The following DOCK9 variants were observed in gnomAD, a reference collection of about 807,000 sequenced individuals.
The protein encoded by DOCK9 is dedicator of cytokinesis protein 9.
Under a neutral mutation model 263.3 loss-of-function variants are expected in DOCK9, and 89 were observed. The observed-to-expected ratio is 0.34, with a 90% confidence interval of 0.28 to 0.40. DOCK9 has a LOEUF of 0.40. DOCK9 is among the 10% of genes least tolerant of loss of function. The pLI, the probability that DOCK9 is intolerant of heterozygous loss-of-function variation, is 1.00. For synonymous variants in DOCK9, 976 were observed against 973.1 expected, an observed-to-expected ratio of 1.00 and a Z score of -0.06; for missense variants, 2,140 against 2,603.4, an observed-to-expected ratio of 0.82 and a Z score of 3.87.
rs369934232 is a variant in DOCK9, at chr13:98,974,528, T to G, written c.126+3256A>C. The stretch of plus-strand genomic sequence containing the variant: ...ACTTTGGGAGGCCAAAGCAGGTGGA[T>G]CACCTGGGGTCAGGAGTTCGAAACC... On this transcript the variant is annotated intron_variant, in intron 1 of 52. Transcript: ENST00000682017. Among the ~76,000 whole-genome samples the G allele has an allele frequency of 9.5e-4, 144 of 151,972 alleles. 2 individuals are homozygous for G. The highest frequency in any genetic ancestry group is 3.4e-3 in the African/African-American group (143 of 41,464).
rs945034325 is a variant in DOCK9, at chr13:99,030,563, T to C, written c.129+55660A>G. 1.2e-4 allele frequency among the ~76,000 whole-genome samples: 18 copies of C among 152,304 alleles called. No homozygotes were observed. In the South Asian group the frequency reaches 3.1e-3, roughly 26 times the overall value. On this transcript the variant is annotated intron_variant, in intron 1 of 32. Transcript: ENST00000427887. ...TACCAGCATTCAAATCTAGCTAACA[T>C]CATTAAAGAGAAAGATAACATTTTT... is the stretch of plus-strand genomic sequence containing the variant.
chr13:98,798,689 G>A (rs770292168), intron 50 of DOCK9, among the ~76,000 whole-genome samples: 4 of 152,200 alleles, frequency 2.6e-5, no homozygotes, highest in African/African-American at 7.2e-5. Context: ...AAGCTGCAGC[G>A]CCAGTGAGCT....
intron 1 of DOCK9, among the ~76,000 whole-genome samples, chr13:99,063,727 C>T (rs9584980): frequency 0.022 from 3,330 of 152,140 alleles, 113 homozygotes; most frequent in African/African-American, 0.076. Context: ...AAAAACAAAC[C>T]CATACAAAAT....
chr13:98,965,450 T>C (rs1372351952), intron 1 of DOCK9, among the ~76,000 whole-genome samples: 1 of 152,206 alleles, frequency 6.6e-6, no homozygotes, highest in Non-Finnish European at 1.5e-5. Flanking sequence ...TTAAAAGCTT[T>C]TATTTAGCAC....
intron 1 of DOCK9, among the ~76,000 whole-genome samples, chr13:98,961,204 ATG>A: frequency 6.6e-6 from 1 of 152,204 alleles, no homozygotes; most frequent in East Asian, 1.9e-4. Context: ...GCAAAGAAGA[ATG>A]AGAATTCTTC....
intron 1 of DOCK9, among the ~76,000 whole-genome samples, chr13:99,061,028 T>G (rs2041164975): frequency 6.6e-6 from 1 of 152,244 alleles, no homozygotes; most frequent in Non-Finnish European, 1.5e-5. Flanking sequence ...GATTTGACAG[T>G]AAATATGTTT....
At chr13:99,031,057 CA>C (rs531193397) in intron 1 of DOCK9, among the ~76,000 whole-genome samples, 4,245 of 146,940 alleles carry the variant, frequency 0.029, 96 homozygotes, top group South Asian at 0.065. Context: ...TAAATTATCT[CA>C]AAAAAAAAAT....
At chr13:99,086,385 T>G in exon 1 of DOCK9, 2 of 1,119,020 alleles carry the variant, frequency 1.8e-6, no homozygotes, top group Non-Finnish European at 1.1e-6. Flanking sequence ...CTCCGCCTGC[T>G]CCCGCGGCCC....
intron 1 of DOCK9, among the ~76,000 whole-genome samples, chr13:99,035,930 C>T (rs772577591): frequency 6.6e-6 from 1 of 152,040 alleles, no homozygotes; most frequent in African/African-American, 2.4e-5. Context: ...AGAAAAGGAC[C>T]GACCTTTCCT....
intron 5 of DOCK9, among the ~76,000 whole-genome samples, 169 bp from the exon 6 acceptor site, chr13:98,922,315 GC>G (rs1306976623): frequency 6.6e-6 from 1 of 152,160 alleles, no homozygotes; most frequent in Non-Finnish European, 1.5e-5. Flanking sequence ...AGTCCACTTA[GC>G]GGTGAAAGAG....
chr13:99,028,580 A>G (rs947463705), intron 1 of DOCK9, among the ~76,000 whole-genome samples: 1 of 152,144 alleles, frequency 6.6e-6, no homozygotes. Flanking sequence ...ACGAGAACAA[A>G]TTTCTTCTCC....
At chr13:98,942,520 G>A (rs1595519888) in intron 2 of DOCK9, among the ~76,000 whole-genome samples, 1 of 152,128 alleles carries the variant, frequency 6.6e-6, no homozygotes, top group African/African-American at 2.4e-5. Flanking sequence ...TTACAGGCGT[G>A]AGCCACCGCG....
At chr13:98,865,254 T>C (rs2093989200) in intron 30 of DOCK9, among the ~76,000 whole-genome samples, 1 of 152,106 alleles carries the variant, frequency 6.6e-6, no homozygotes, top group Admixed American at 6.5e-5. Flanking sequence ...TGTTTTTTTG[T>C]AGAGACAGGG....
In DOCK9 at chr13:98,954,483, C is replaced by T. The variant is rs868810292; in HGVS notation, c.243+952G>A. 2.0e-5 allele frequency among the ~76,000 whole-genome samples: 3 copies of T among 152,240 alleles called. No individual in the cohort carries two copies. The South Asian group carries it at 6.2e-4, about 32-fold the overall frequency. Reference sequence around the variant, plus strand: ...TGTCATTCTCATTCCTCAACAGCCTCACAGCTTCTTGTTAGTCTCTTAACC... The same window carrying T: ...TGTCATTCTCATTCCTCAACAGCCTTACAGCTTCTTGTTAGTCTCTTAACC... On this transcript the variant is annotated intron_variant, in intron 2 of 52. Transcript: ENST00000682017.
intron 1 of DOCK9, among the ~76,000 whole-genome samples, chr13:99,003,402 C>T (rs145049174): frequency 7.1e-4 from 108 of 152,308 alleles, no homozygotes; most frequent in African/African-American, 2.3e-3. Context: ...CTTCTGAATA[C>T]GCTCACCAGG....
intron 24 of DOCK9, 95 bp downstream of exon 24, chr13:98,881,797 A>G (rs1251226794): frequency 1.2e-5 from 15 of 1,284,442 alleles, no homozygotes; most frequent in Non-Finnish European, 1.7e-5. Context: ...CTTAAATGTA[A>G]TGTTCAGCAC....
intron 15 of DOCK9, among the ~76,000 whole-genome samples, chr13:98,893,498 G>A (rs534863446): frequency 3.3e-5 from 5 of 152,210 alleles, no homozygotes; most frequent in Middle Eastern, 3.4e-3. Flanking sequence ...ATCATCTATC[G>A]GACAGAATCG....
At chr13:98,796,841 TG>T (rs1489891990) in intron 52 of DOCK9, among the ~76,000 whole-genome samples, 1 of 151,646 alleles carries the variant, frequency 6.6e-6, no homozygotes, top group Admixed American at 6.6e-5. Context: ...TAGACGGGGG[TG>T]GGGAGAGAGA....
chr13:98,903,210 C>T, intron 10 of DOCK9, 98 bp from the exon 11 acceptor site: 1 of 970,894 alleles, frequency 1.0e-6, no homozygotes, highest in South Asian at 2.0e-5. Flanking sequence ...TATGGAAAAG[C>T]TATATACACT....
Sources: allele counts gnomAD v4.1 joint callset (sites outside exome capture counted in the v4.1 genomes callset), GRCh38; gene constraint gnomAD v4.1.1; transcripts MANE v1.5; gene names NCBI Gene and HGNC (gene_info 2026-07-23, HGNC 2026-07-21).